The following ZBTB2 variants were observed in gnomAD, a reference collection of about 807,000 sequenced individuals.
The protein encoded by ZBTB2 is zinc finger and BTB domain containing 2.
ZBTB2 carries 2 observed loss-of-function variants against 39.5 expected under a neutral mutation model. That is an observed-to-expected ratio of 0.05 (90% CI 0.02 to 0.16). The LOEUF (loss-of-function observed/expected upper bound fraction) is 0.16. Ranked by LOEUF, ZBTB2 falls within the 10% of genes least tolerant of loss-of-function variation. The pLI is 1.00. For missense variants in ZBTB2, 391 were observed against 653.0 expected (o/e 0.60, Z 4.37); for synonymous variants, 251 against 256.6 (o/e 0.98, Z 0.21).
At chr6:151,385,312 T>C (rs1324972780) in intron 1 of ZBTB2, among the ~76,000 whole-genome samples, 1 of 152,250 alleles carries the variant, frequency 6.6e-6, no homozygotes, top group East Asian at 1.9e-4. Flanking sequence ...TTTAATGCTT[T>C]GGTTTTCATT....
At chr6:151,371,341 T>C (rs139181592) in intron 2 of ZBTB2, among the ~76,000 whole-genome samples, 8 of 152,006 alleles carry the variant, frequency 5.3e-5, no homozygotes, top group East Asian at 1.9e-4. Context: ...CATAACAACA[T>C]AGGGGAAAGG....
intron 1 of ZBTB2, among the ~76,000 whole-genome samples, chr6:151,384,603 C>G (rs1779112516): frequency 6.6e-6 from 1 of 152,178 alleles, no homozygotes; most frequent in African/African-American, 2.4e-5. Context: ...ATTTGTATAA[C>G]CGCATAGATC....
In ZBTB2 at chr6:151,391,520, C is replaced by A. The variant is rs1419238504; in HGVS notation, c.-113G>T. On this transcript the variant is annotated 5_prime_UTR_variant, in exon 1 of 3. Transcript: ENST00000325144. ...CCGCCGCCGCCTCTGCCTCTCGCTG[C>A]TGCTGCTGCTGCTGCCGCCGCGGTC... The A allele has an allele frequency of 3.3e-5, 5 of 152,652 alleles. No homozygotes were observed. Among genetic ancestry groups the A allele is most frequent in the Non-Finnish European group, 7.2e-5 (5 of 69,724 alleles). The allele number at this position is 152,652 out of a possible 1,614,324, so 9.5% of individuals were successfully genotyped here. A position where few individuals can be genotyped will look rare whatever the true frequency, so the allele number is the denominator to read the frequency against.
intron 1 of ZBTB2, among the ~76,000 whole-genome samples, chr6:151,376,145 G>A (rs1778903512): frequency 6.6e-6 from 1 of 152,088 alleles, no homozygotes; most frequent in Non-Finnish European, 1.5e-5. Context: ...AAAGAAAAAA[G>A]ACAAAGAACT....
In ZBTB2 at chr6:151,366,511, G is replaced by A; in HGVS notation, c.555C>T (p.Ala185=). The change falls in exon 3 of 3, where the codon GCC becomes GCT. Residue 185 remains alanine (A), a synonymous_variant. Transcript: ENST00000325144. This position sits in a 1 kb window ranked among gnomAD's most constrained non-coding sequence, Gnocchi z 7.1. The stretch of plus-strand genomic sequence containing the variant: ...GAGTCATATTTGTCCGATTCACCTG[G>A]GCCAGATTTGAAGTCAGCTGGGAGA... The part of the protein sequence containing the change: ...SQLSQLTSNL[A]QVNRTNMTPS... The A allele has an allele frequency of 6.2e-7, 1 of 1,614,080 alleles. No individual in the cohort carries two copies. Among genetic ancestry groups the A allele is most frequent in the South Asian group, 1.1e-5 (1 of 91,082 alleles).
At chr6:151,372,836 T>G (rs944937983) in intron 2 of ZBTB2, among the ~76,000 whole-genome samples, 1 of 151,932 alleles carries the variant, frequency 6.6e-6, no homozygotes, top group East Asian at 1.9e-4. Flanking sequence ...AAGGGTTCGC[T>G]GAGGTTGGGT....
At chr6:151,372,499 T>C (rs1463950396) in intron 2 of ZBTB2, among the ~76,000 whole-genome samples, 1 of 150,884 alleles carries the variant, frequency 6.6e-6, no homozygotes, top group Non-Finnish European at 1.5e-5. Context: ...GGGGGCAGGG[T>C]GGGGGGTGTA....
At chr6:151,388,962 C>T (rs1295170378) in intron 1 of ZBTB2, among the ~76,000 whole-genome samples, 2 of 152,158 alleles carry the variant, frequency 1.3e-5, no homozygotes, top group Non-Finnish European at 2.9e-5. Flanking sequence ...GTAGACTGCT[C>T]CTCCACTGTT....
At position 151,366,575 on chromosome 6, in the gene ZBTB2, G is replaced by A. The variant is rs1272542854; in HGVS notation, c.491C>T (p.Ser164Phe). 4 of 1,613,982 alleles carry A rather than the reference G, an allele frequency of 2.5e-6. No individual in the cohort carries two copies. In the Admixed American group the frequency reaches 5.0e-5, roughly 20 times the overall value. The part of the protein sequence containing the change: ...KLGRDPRPQT[S>F]RISQEQVPEA... ...AGGGACCTGCTCCTGGCTTATCCTG[G>A]AGGTCTGTGGCCGTGGATCTCGCCC... Residue 164 changes from serine to phenylalanine, a missense_variant, in exon 3 of 3, where the codon TCC (serine) becomes TTC (phenylalanine). By Grantham distance (155) the Ser-to-Phe change is radical. Around this residue, in one of 7 missense-constraint regions of ZBTB2, gnomAD observed 175 missense variants for 198.6 expected, o/e 0.88. Coordinates refer to ENST00000325144, the MANE Select transcript of ZBTB2 (RefSeq NM_020861.3). This position sits in a 1 kb window ranked among gnomAD's most constrained non-coding sequence, Gnocchi z 7.1.
intron 1 of ZBTB2, among the ~76,000 whole-genome samples, chr6:151,376,376 G>C (rs1055803631): frequency 6.6e-6 from 1 of 152,166 alleles, no homozygotes; most frequent in Non-Finnish European, 1.5e-5. Flanking sequence ...CTCTCCGAAA[G>C]ACCTCATTGA....
chr6:151,381,416 G>A (rs982370948), intron 1 of ZBTB2, among the ~76,000 whole-genome samples: 4 of 152,116 alleles, frequency 2.6e-5, no homozygotes, highest in African/African-American at 9.7e-5. Flanking sequence ...AGCTACTCAA[G>A]AGGCTGAGGC....
At chr6:151,369,500 T>C (rs1428051082) in intron 2 of ZBTB2, among the ~76,000 whole-genome samples, 1 of 152,058 alleles carries the variant, frequency 6.6e-6, no homozygotes, top group Non-Finnish European at 1.5e-5. Flanking sequence ...TTTAAACTTT[T>C]ATAGAGACAG....
chr6:151,366,046 G>T lies in ZBTB2; in HGVS notation c.1020C>A (p.Pro340=), dbSNP rs754635009. 41 of 1,614,050 alleles carry T rather than the reference G, an allele frequency of 2.5e-5. No individual in the cohort carries two copies. Among genetic ancestry groups the T allele is most frequent in the Admixed American group, 8.3e-5 (5 of 60,000 alleles). ...DGQQQSETPP[P]SDIADIDNLE... ...GGTTGTCAATGTCAGCAATGTCTGA[G>T]GGGGGTGGGGTTTCCGACTGCTGCT... The change falls in exon 3 of 3, where the codon CCC becomes CCA. Residue 340 remains proline, a synonymous_variant. Coordinates refer to ENST00000325144, the MANE Select transcript of ZBTB2 (RefSeq NM_020861.3). This position sits in a 1 kb window ranked among gnomAD's most constrained non-coding sequence, Gnocchi z 7.1.
At chr6:151,379,325 C>T (rs1157570188) in intron 1 of ZBTB2, among the ~76,000 whole-genome samples, 9 of 151,910 alleles carry the variant, frequency 5.9e-5, no homozygotes, top group Admixed American at 1.3e-4. Context: ...TTTTCCTATT[C>T]GATTGTCTTT....
In ZBTB2 at chr6:151,373,860, A is replaced by C. The variant is rs1034104687; in HGVS notation, c.-12-211T>G. Among the ~76,000 whole-genome samples, 14 of 131,836 alleles carry C rather than the reference A, an allele frequency of 1.1e-4. 1 individual carries two copies. The highest frequency in any genetic ancestry group is 4.7e-4 in the East Asian group (2 of 4,224). 86.5% of individuals were successfully genotyped at this position (131,836 alleles called of 152,430 possible). On this transcript the variant is annotated intron_variant, in intron 1 of 2. Coordinates refer to ENST00000325144, the MANE Select transcript of ZBTB2 (RefSeq NM_020861.3). ...TATGCCTTTAAAAAAAAAAAAAAAA[A>C]AAAAAAAAAAAAAAAAACCAGATGA...
intron 1 of ZBTB2, among the ~76,000 whole-genome samples, chr6:151,391,034 C>T (rs1282325614): frequency 1.9e-4 from 28 of 146,580 alleles, no homozygotes; most frequent in African/African-American, 7.0e-4. Context: ...ACCCTCCCTC[C>T]GATCCGCCGC....
intron 1 of ZBTB2, among the ~76,000 whole-genome samples, chr6:151,382,329 C>T (rs1779051915): frequency 6.6e-6 from 1 of 151,856 alleles, no homozygotes; most frequent in African/African-American, 2.4e-5. Flanking sequence ...AATCTCAGCT[C>T]ACCACAACCT....
chr6:151,385,071 C>A (rs1460692136), intron 1 of ZBTB2, among the ~76,000 whole-genome samples: 1 of 152,126 alleles, frequency 6.6e-6, no homozygotes, highest in Non-Finnish European at 1.5e-5. Flanking sequence ...AAAAACAAGT[C>A]ATTTGTCTTT....
At position 151,366,749 on chromosome 6, in the gene ZBTB2, G is replaced by A; in HGVS notation, c.317C>T (p.Pro106Leu). 2 of 1,614,134 alleles carry A rather than the reference G, an allele frequency of 1.2e-6. No homozygotes were observed. Among genetic ancestry groups the A allele is most frequent in the South Asian group, 1.1e-5 (1 of 91,072 alleles). Residue 106 changes from proline to leucine, a missense_variant, in exon 3 of 3, where the codon CCG becomes CTG. Pro to Leu is a moderately conservative substitution (Grantham distance 98). Transcript: ENST00000325144. This position sits in a 1 kb window ranked among gnomAD's most constrained non-coding sequence, Gnocchi z 7.1. ...EQGIKFLHAYPLIQEASLASQ... is the reference protein window; with the variant it reads ...EQGIKFLHAYLLIQEASLASQ... ...GGCGAGGCTGGCTTCCTGAATGAGC[G>A]GGTAGGCGTGCAGAAACTTGATGCC...
Sources: allele counts gnomAD v4.1 joint callset (sites outside exome capture counted in the v4.1 genomes callset), GRCh38; gene constraint gnomAD v4.1.1; regional missense constraint gnomAD v4.1.1; non-coding constraint Gnocchi (gnomAD v3.1); transcripts MANE v1.5; gene names NCBI Gene and HGNC (gene_info 2026-07-23, HGNC 2026-07-21).